Variants in CACNB2 observed in about 807,000 individuals in gnomAD.
CACNB2 encodes calcium voltage-gated channel auxiliary subunit beta 2.
In CACNB2, 42 loss-of-function variants were observed where a neutral mutation model predicts 73.3. The ratio of observed to expected loss-of-function variants is 0.57; its 90% CI spans 0.45 to 0.74. The LOEUF (loss-of-function observed/expected upper bound fraction) is 0.74, where lower values mean the gene tolerates loss of function less well. CACNB2 is among the 30% of genes least tolerant of loss of function. CACNB2 has a pLI of 0.00. For missense variants in CACNB2, 940 were observed against 853.0 expected (o/e 1.10, Z -1.27); for synonymous variants, 348 against 310.3 (o/e 1.12, Z -1.28).
At chr10:18,189,135 T>C (rs1193919856) in intron 2 of CACNB2, among the ~76,000 whole-genome samples, 1 of 152,070 alleles carries the variant, frequency 6.6e-6, no homozygotes, top group Non-Finnish European at 1.5e-5. Context: ...CTACAGATTG[T>C]TTGTTTTTTT....
chr10:18,339,119 G>C (rs112345507), intron 2 of CACNB2, among the ~76,000 whole-genome samples: 2 of 151,936 alleles, frequency 1.3e-5, no homozygotes, highest in Admixed American at 6.6e-5. Context: ...CTCATGTGAG[G>C]GTATCCCTGG....
chr10:18,473,983 G>A (rs1257622368), intron 3 of CACNB2, among the ~76,000 whole-genome samples: 2 of 152,098 alleles, frequency 1.3e-5, no homozygotes, highest in Admixed American at 6.6e-5. Flanking sequence ...CTGGGCTTCC[G>A]TTTTTCATTT....
rs10828545 is a variant in CACNB2 at position 18,340,674 on chromosome 10, G to A, written c.214-61250G>A. Reference sequence around the variant, plus strand: ...AGGAGAATAAGACCCTCCCACTTGCGTTTGTTAATTGACTTTGATGAGCTC... The same window carrying A: ...AGGAGAATAAGACCCTCCCACTTGCATTTGTTAATTGACTTTGATGAGCTC... On this transcript the variant is annotated intron_variant, in intron 2 of 13. Coordinates refer to ENST00000324631, the MANE Select transcript of CACNB2 (RefSeq NM_201596.3). 506,564 of 1,382,664 alleles carry A rather than the reference G, an allele frequency of 0.37. 95,203 individuals are homozygous for A. Among genetic ancestry groups the A allele is most frequent in the African/African-American group, 0.52 (35,838 of 68,502 alleles). 85.6% of individuals were successfully genotyped at this position (1,382,664 alleles called of 1,614,324 possible). A position where few individuals can be genotyped will look rare whatever the true frequency, so the allele number is the denominator to read the frequency against.
intron 6 of CACNB2, among the ~76,000 whole-genome samples, chr10:18,513,925 G>A (rs1156396862): frequency 6.6e-6 from 1 of 152,178 alleles, no homozygotes; most frequent in East Asian, 1.9e-4. Flanking sequence ...TTATACAGTT[G>A]ATACAGAGAA....
chr10:18,177,234 T>C (rs748663554), intron 2 of CACNB2, among the ~76,000 whole-genome samples: 16 of 152,118 alleles, frequency 1.1e-4, no homozygotes, highest in Admixed American at 2.6e-4. Flanking sequence ...TTTACCATAG[T>C]TGAAGATGCA....
intron 2 of CACNB2, chr10:18,224,305 C>G (rs2131409462): frequency 6.7e-6 from 1 of 148,172 alleles, no homozygotes; most frequent in Non-Finnish European, 1.5e-5. Flanking sequence ...TGCCTTCTCC[C>G]TCCTCTTCCC....
At chr10:18,149,758 T>C (rs926396864) in intron 1 of CACNB2, among the ~76,000 whole-genome samples, 1 of 152,328 alleles carries the variant, frequency 6.6e-6, no homozygotes, top group East Asian at 1.9e-4. Context: ...AGCCTAATAA[T>C]TGTCAACATG....
chr10:18,199,915 G>A (rs1588683428), intron 2 of CACNB2, among the ~76,000 whole-genome samples: 1 of 149,116 alleles, frequency 6.7e-6, no homozygotes, highest in African/African-American at 2.5e-5. Flanking sequence ...GCAACCTGTA[G>A]AGTTTGCAAT....
chr10:18,337,411 C>A (rs74494383), intron 2 of CACNB2, among the ~76,000 whole-genome samples: 2,261 of 152,134 alleles, frequency 0.015, 46 homozygotes, highest in South Asian at 0.09. Flanking sequence ...CTACTTTTTT[C>A]TTTTATTTAC....
At chr10:18,371,830 G>T (rs902868011) in intron 2 of CACNB2, among the ~76,000 whole-genome samples, 10 of 152,178 alleles carry the variant, frequency 6.6e-5, no homozygotes, top group African/African-American at 2.4e-4. Context: ...CAGTGTAAAA[G>T]TGTTCCTATT....
At chr10:18,305,586 A>T (rs1350144061) in intron 2 of CACNB2, among the ~76,000 whole-genome samples, 1 of 152,182 alleles carries the variant, frequency 6.6e-6, no homozygotes, top group Non-Finnish European at 1.5e-5. Context: ...ATTTATATCA[A>T]TTTCACATTC....
intron 3 of CACNB2, among the ~76,000 whole-genome samples, chr10:18,464,417 T>TTAAAA (rs1243403682): frequency 2.7e-3 from 50 of 18,566 alleles, no homozygotes; most frequent in African/African-American, 4.3e-3. Flanking sequence ...GTCTCAAAAA[T>TTAAAA]TAAAAAAAAA....
chr10:18,530,770 C>T (rs891355247), intron 10 of CACNB2, among the ~76,000 whole-genome samples: 1 of 152,168 alleles, frequency 6.6e-6, no homozygotes, highest in African/African-American at 2.4e-5. Context: ...ACTGCAGTAA[C>T]TATAACGGAA....
intron 2 of CACNB2, among the ~76,000 whole-genome samples, chr10:18,198,986 T>C (rs1433008942): frequency 1.3e-5 from 2 of 152,256 alleles, no homozygotes; most frequent in Admixed American, 1.3e-4. Flanking sequence ...TTTATCTTTT[T>C]TTCAGTCTCC....
intron 2 of CACNB2, among the ~76,000 whole-genome samples, chr10:18,298,271 A>C (rs2039359358): frequency 6.6e-6 from 1 of 152,060 alleles, no homozygotes; most frequent in South Asian, 2.1e-4. Context: ...CGGGAGGCTG[A>C]GGCAGGAGAA....
intron 2 of CACNB2, among the ~76,000 whole-genome samples, chr10:18,251,644 A>G (rs1037185093): frequency 3.3e-5 from 5 of 152,238 alleles, no homozygotes; most frequent in African/African-American, 1.2e-4. Context: ...ACTTATGAAG[A>G]AAAGAGGTTT....
intron 3 of CACNB2, among the ~76,000 whole-genome samples, chr10:18,448,615 C>A (rs1264039379): frequency 6.6e-6 from 1 of 151,720 alleles, no homozygotes. Context: ...TCATCAGAAA[C>A]TGGGTACAGC....
chr10:18,527,072 G>A (rs967518311), intron 9 of CACNB2, among the ~76,000 whole-genome samples: 22 of 152,274 alleles, frequency 1.4e-4, no homozygotes, highest in Admixed American at 7.8e-4. Flanking sequence ...CAACAAGTAA[G>A]TGCAACGTAA....
At chr10:18,461,206 G>T (rs980961313) in intron 3 of CACNB2, among the ~76,000 whole-genome samples, 1 of 152,074 alleles carries the variant, frequency 6.6e-6, no homozygotes, top group African/African-American at 2.4e-5. Flanking sequence ...GAGCCACTGC[G>T]CCCTGCCTTT....
Sources: allele counts gnomAD v4.1 joint callset (sites outside exome capture counted in the v4.1 genomes callset), GRCh38; gene constraint gnomAD v4.1.1; transcripts MANE v1.5; gene names NCBI Gene and HGNC (gene_info 2026-07-23, HGNC 2026-07-21).